The following LANCL2 variants were observed in gnomAD, a reference collection of about 807,000 sequenced individuals.
LANCL2 encodes LanC like glutathione S-transferase 2, also known as lanC-like protein 2.
Under a neutral mutation model 56.9 loss-of-function variants are expected in LANCL2, and 33 were observed. The observed-to-expected ratio is 0.58, with a 90% CI of 0.44 to 0.78. The LOEUF is 0.78. Ranked by LOEUF, LANCL2 falls within the 30% of genes least tolerant of loss-of-function variation. LANCL2 has a pLI of 0.00. For synonymous variants in LANCL2, 233 were observed against 228.2 expected (o/e 1.02, Z -0.19); for missense variants, 562 against 580.2 (o/e 0.97, Z 0.32).
intron 8 of LANCL2, among the ~76,000 whole-genome samples, chr7:55,428,817 CAT>C (rs201939363): frequency 0.018 from 2,731 of 152,054 alleles, 82 homozygotes; most frequent in African/African-American, 0.061. Context: ...TATTTAATAT[CAT>C]ATAAAGAAGT....
chr7:55,397,558 A>G (rs1457981741), intron 2 of LANCL2, among the ~76,000 whole-genome samples: 2 of 151,834 alleles, frequency 1.3e-5, no homozygotes, highest in African/African-American at 4.8e-5. Context: ...CAACTTAAAC[A>G]TGAAAGAAAT....
chr7:55,402,167 A>G (rs1490047800), intron 5 of LANCL2, among the ~76,000 whole-genome samples: 9 of 144,962 alleles, frequency 6.2e-5, no homozygotes, highest in East Asian at 4.3e-4. Context: ...GGCCGGGCAG[A>G]GGGGCTCCTC....
intron 5 of LANCL2, among the ~76,000 whole-genome samples, chr7:55,405,490 CTTTTTTT>C (rs35842812): frequency 8.1e-6 from 1 of 123,340 alleles, no homozygotes; most frequent in South Asian, 2.6e-4. Flanking sequence ...GGTTCAGGAA[CTTTTTTT>C]TTTTTTTTTT....
At chr7:55,410,447 A>C (rs140958775) in intron 5 of LANCL2, among the ~76,000 whole-genome samples, 19 of 152,354 alleles carry the variant, frequency 1.2e-4, no homozygotes, top group African/African-American at 4.1e-4. Flanking sequence ...TTTTAATAAA[A>C]TTAACTTTTT....
intron 8 of LANCL2, among the ~76,000 whole-genome samples, chr7:55,430,491 G>A (rs1345844925): frequency 6.6e-6 from 1 of 152,348 alleles, no homozygotes; most frequent in East Asian, 1.9e-4. Context: ...GGACTGGAGA[G>A]GGGCACTTGG....
chr7:55,366,377 C>G (rs963958741), intron 1 of LANCL2, 148 bp downstream of exon 1: 12 of 638,536 alleles, frequency 1.9e-5, no homozygotes, highest in Non-Finnish European at 2.5e-5. Flanking sequence ...CGGGCCTTCC[C>G]GATGAGCCGC....
At chr7:55,366,250 C>A in intron 1 of LANCL2, 21 bp downstream of exon 1, 2 of 1,465,662 alleles carry the variant, frequency 1.4e-6, no homozygotes, top group Non-Finnish European at 1.8e-6. Flanking sequence ...GGCCTGGCCG[C>A]AGAGGCGCCG....
At chr7:55,380,551 A>G (rs966406819) in intron 1 of LANCL2, among the ~76,000 whole-genome samples, 8 of 152,196 alleles carry the variant, frequency 5.3e-5, no homozygotes, top group African/African-American at 1.7e-4. Context: ...ACTCAAAGGC[A>G]CTGGAGACTA....
rs369482536 is a variant in LANCL2, at chr7:55,411,866, T to C, written c.826-41T>C. 19 of 1,571,060 alleles carry C rather than the reference T, an allele frequency of 1.2e-5. No homozygotes were observed. The African/African-American group carries it at 2.2e-4, about 18-fold the overall frequency. Reference sequence around the variant, plus strand: ...ATGATACAATGTAAAAGAAATAACTTCAGAGAAAATAATTTGTGTTTCATT... The same window carrying C: ...ATGATACAATGTAAAAGAAATAACTCCAGAGAAAATAATTTGTGTTTCATT... On this transcript the variant is annotated intron_variant, in intron 5 of 8. Transcript: ENST00000254770.
In LANCL2 at chr7:55,416,948, C is replaced by CATGAGGTA. The variant is rs1423769849; in HGVS notation, c.1008+4861_1008+4868dup. ...ATCTCAAATTAAGTTTTGTATATTACATGAGGTAACAAACGAGGTGGTTTT... is the reference window on the plus strand; with the variant it reads ...ATCTCAAATTAAGTTTTGTATATTACATGAGGTAATGAGGTAACAAACGAGGTGGTTTT... On this transcript the variant is annotated intron_variant, in intron 6 of 8. Transcript: ENST00000254770. 7.7e-5 allele frequency among the ~76,000 whole-genome samples: 11 copies of CATGAGGTA among 142,556 alleles called. No individual in the cohort carries two copies. In the Admixed American group the frequency reaches 7.8e-4, roughly 10 times the overall value. 93.5% of individuals were successfully genotyped at this position (142,556 alleles called of 152,430 possible).
intron 1 of LANCL2, among the ~76,000 whole-genome samples, chr7:55,377,575 A>G (rs1790017487): frequency 6.6e-6 from 1 of 152,156 alleles, no homozygotes; most frequent in South Asian, 2.1e-4. Context: ...TGTGAGGAAG[A>G]GAAATAAATC....
chr7:55,387,791 C>G (rs561811024), intron 1 of LANCL2, among the ~76,000 whole-genome samples: 140 of 152,220 alleles, frequency 9.2e-4, no homozygotes, highest in Middle Eastern at 3.4e-3. Flanking sequence ...TTGACTTGTT[C>G]TAAATATCCT....
At chr7:55,402,476 C>T (rs1790347077) in intron 5 of LANCL2, among the ~76,000 whole-genome samples, 1 of 142,588 alleles carries the variant, frequency 7.0e-6, no homozygotes, top group African/African-American at 2.6e-5. Flanking sequence ...GGCAGAGGGG[C>T]TCCTCTCCTC....
intron 1 of LANCL2, among the ~76,000 whole-genome samples, chr7:55,387,753 C>T (rs1304062378): frequency 6.6e-6 from 1 of 152,106 alleles, no homozygotes; most frequent in Non-Finnish European, 1.5e-5. Flanking sequence ...TCATGACTTA[C>T]ACAGACCGTT....
intron 6 of LANCL2, among the ~76,000 whole-genome samples, chr7:55,424,604 T>C (rs1011994923): frequency 2.0e-5 from 3 of 152,256 alleles, no homozygotes; most frequent in Admixed American, 2.0e-4. Flanking sequence ...AATTTTAATT[T>C]TAAAAACTAA....
intron 1 of LANCL2, among the ~76,000 whole-genome samples, chr7:55,367,244 C>G (rs1789885376): frequency 6.6e-6 from 1 of 152,172 alleles, no homozygotes. Context: ...TTGGTAAAAC[C>G]GTACCTTTAC....
intron 1 of LANCL2, among the ~76,000 whole-genome samples, chr7:55,373,207 T>TAC (rs1491217484): frequency 1.9e-5 from 2 of 105,834 alleles, no homozygotes. Context: ...CCCACTTAAC[T>TAC]TTACTGCTTT....
Position 55,428,239 on chromosome 7 carries a change from G to A in LANCL2, c.1186-136G>A, listed in dbSNP as rs1790686676. ...CACCCCTGGAAGAGGGGGTGCAGTA[G>A]CCCATGGAGCCCACGCTGAATGCCC... is the stretch of plus-strand genomic sequence containing the variant. On this transcript the variant is annotated intron_variant, in intron 7 of 8. Coordinates refer to ENST00000254770, the MANE Select transcript of LANCL2 (RefSeq NM_018697.4). 3 of 722,962 alleles carry A rather than the reference G, an allele frequency of 4.1e-6. No homozygotes were observed. In the Admixed American group the frequency reaches 6.5e-5, roughly 16 times the overall value. 44.8% of individuals were successfully genotyped at this position (722,962 alleles called of 1,614,324 possible).
At chr7:55,415,406 T>C (rs1790516968) in intron 6 of LANCL2, among the ~76,000 whole-genome samples, 1 of 152,168 alleles carries the variant, frequency 6.6e-6, no homozygotes, top group South Asian at 2.1e-4. Flanking sequence ...AACTATTGTA[T>C]ATATGTCAGA....
Sources: allele counts gnomAD v4.1 joint callset (sites outside exome capture counted in the v4.1 genomes callset), GRCh38; gene constraint gnomAD v4.1.1; transcripts MANE v1.5; gene names NCBI Gene and HGNC (gene_info 2026-07-23, HGNC 2026-07-21).